KCNMA1: variants seen among roughly 807,000 people sequenced by gnomAD.
KCNMA1 encodes the protein Calcium-activated potassium channel subunit alpha-1.
KCNMA1 carries 29 observed loss-of-function variants against 140.0 expected under a neutral mutation model. The ratio of observed to expected loss-of-function variants is 0.21; its 90% CI spans 0.15 to 0.28. KCNMA1 has a LOEUF of 0.28. Ranked by LOEUF, KCNMA1 falls within the 10% of genes least tolerant of loss-of-function variation. KCNMA1 has a pLI of 1.00. For synonymous variants in KCNMA1, 612 were observed against 611.9 expected (o/e 1.00, Z 0.00); for missense variants, 880 against 1,602.2 (o/e 0.55, Z 7.70).
At chr10:77,148,728 A>C (rs144157850) in intron 5 of KCNMA1, among the ~76,000 whole-genome samples, 1 of 152,336 alleles carries the variant, frequency 6.6e-6, no homozygotes, top group Non-Finnish European at 1.5e-5. Context: ...CATTGGAGTG[A>C]GAAAACTAGC....
chr10:77,054,866 G>A (rs1173462483), intron 14 of KCNMA1, among the ~76,000 whole-genome samples: 1 of 152,118 alleles, frequency 6.6e-6, no homozygotes, highest in African/African-American at 2.4e-5. Context: ...AGTTGAAACG[G>A]CCACCTCACA....
intron 2 of KCNMA1, among the ~76,000 whole-genome samples, chr10:77,326,367 C>T (rs1470832481): frequency 6.6e-6 from 1 of 152,202 alleles, no homozygotes; most frequent in African/African-American, 2.4e-5. Context: ...GTAATAGTTA[C>T]TTTACACCTC....
intron 1 of KCNMA1, among the ~76,000 whole-genome samples, chr10:77,529,583 G>T (rs753249117): frequency 1.3e-5 from 2 of 152,070 alleles, no homozygotes; most frequent in African/African-American, 4.8e-5. Flanking sequence ...CGAGCACAGA[G>T]AAATTATATA....
At chr10:77,158,346 CCTT>C (rs2098513301) in intron 5 of KCNMA1, among the ~76,000 whole-genome samples, 3 of 152,258 alleles carry the variant, frequency 2.0e-5, no homozygotes, top group Admixed American at 2.0e-4. Context: ...GAGCTCATCT[CCTT>C]ATTATAGGTG....
intron 19 of KCNMA1, chr10:76,974,705 C>T (rs1048244029): frequency 6.2e-6 from 4 of 644,172 alleles, no homozygotes; most frequent in Non-Finnish European, 1.1e-5. Context: ...AGCTGAATTG[C>T]CATTTTTTTC....
At chr10:77,570,481 T>C (rs11002206) in intron 1 of KCNMA1, among the ~76,000 whole-genome samples, 157 of 139,434 alleles carry the variant, frequency 1.1e-3, no homozygotes, top group East Asian at 4.6e-3. Context: ...GTAAACTATC[T>C]CAAGAACAAA....
chr10:77,387,305 T>C (rs1489441243), intron 2 of KCNMA1, among the ~76,000 whole-genome samples: 3 of 152,236 alleles, frequency 2.0e-5, no homozygotes, highest in Non-Finnish European at 1.5e-5. Context: ...TTGCTGTTTC[T>C]CTGAGGTCTA....
At chr10:77,172,510 C>A (rs1001563404) in intron 5 of KCNMA1, among the ~76,000 whole-genome samples, 3 of 151,976 alleles carry the variant, frequency 2.0e-5, no homozygotes, top group Admixed American at 6.6e-5. Flanking sequence ...TAGCAGCGAC[C>A]GGAACAGCAA....
chr10:77,149,694 A>C (rs1366854400), intron 5 of KCNMA1: 3 of 152,110 alleles, frequency 2.0e-5, no homozygotes, highest in Admixed American at 6.6e-5. Flanking sequence ...CTGCATCCTA[A>C]CCCCAATTTG....
chr10:77,155,855 G>A (rs1301873525), intron 5 of KCNMA1, among the ~76,000 whole-genome samples: 1 of 152,082 alleles, frequency 6.6e-6, no homozygotes, highest in Non-Finnish European at 1.5e-5. Context: ...AAGAAGTGAG[G>A]GGAAAGGATG....
intron 25 of KCNMA1, among the ~76,000 whole-genome samples, chr10:76,899,499 T>C (rs541724100): frequency 6.6e-6 from 1 of 152,264 alleles, no homozygotes; most frequent in African/African-American, 2.4e-5. Flanking sequence ...CATCCATTAC[T>C]TTTTTAAAAT....
intron 2 of KCNMA1, chr10:77,313,844 C>A (rs1201815351): frequency 6.6e-6 from 1 of 152,128 alleles, no homozygotes; most frequent in Non-Finnish European, 1.5e-5. Context: ...GAATTTTGTA[C>A]CCTAATACTG....
chr10:77,408,514 A>G (rs560549874), intron 1 of KCNMA1, among the ~76,000 whole-genome samples: 8 of 151,352 alleles, frequency 5.3e-5, no homozygotes, highest in South Asian at 4.2e-4. Flanking sequence ...GAATGTGTGC[A>G]TGTGTGTGTG....
At chr10:77,302,542 C>T (rs1350230324) in intron 2 of KCNMA1, among the ~76,000 whole-genome samples, 1 of 152,144 alleles carries the variant, frequency 6.6e-6, no homozygotes, top group African/African-American at 2.4e-5. Context: ...TCTCCAGGGT[C>T]CCAATTTCTT....
In KCNMA1 at chr10:77,441,317, C is replaced by T. The variant is rs17502509; in HGVS notation, c.379-37294G>A. Among the ~76,000 whole-genome samples the T allele has an allele frequency of 6.4e-3, 977 of 152,224 alleles. 11 individuals are homozygous for T. The highest frequency in any genetic ancestry group is 0.054 in the Middle Eastern group (16 of 294). On this transcript the variant is annotated intron_variant, in intron 1 of 27. Coordinates refer to ENST00000286628, the MANE Select transcript of KCNMA1 (RefSeq NM_001161352.2). ...GACCCAAATGTCTGCTGATGACACA[C>T]TGGATACACTAGGGGTGCAGGGAGA...
intron 14 of KCNMA1, among the ~76,000 whole-genome samples, chr10:77,067,496 ATG>A (rs2096002210): frequency 6.6e-6 from 1 of 152,078 alleles, no homozygotes; most frequent in African/African-American, 2.4e-5. Flanking sequence ...TCTCTCACGC[ATG>A]TGTGTGCACA....
intron 3 of KCNMA1, among the ~76,000 whole-genome samples, chr10:77,249,095 T>C (rs1186985939): frequency 2.0e-5 from 3 of 152,228 alleles, no homozygotes. Context: ...ACGACAGTCC[T>C]CAGGCAGAAT....
intron 1 of KCNMA1, among the ~76,000 whole-genome samples, chr10:77,421,913 T>C (rs889036067): frequency 4.6e-5 from 7 of 152,230 alleles, no homozygotes; most frequent in African/African-American, 1.7e-4. Context: ...TTTCCCAGTG[T>C]AAATTCACGG....
chr10:77,164,011 G>T (rs2098603657), intron 5 of KCNMA1, among the ~76,000 whole-genome samples: 1 of 152,132 alleles, frequency 6.6e-6, no homozygotes, highest in African/African-American at 2.4e-5. Flanking sequence ...GCATCCCCAG[G>T]CCCCAGTTTT....
Sources: gnomAD v4.1 joint callset for allele counts (sites outside exome capture counted in the v4.1 genomes callset) on GRCh38, gnomAD v4.1.1 for gene constraint, MANE v1.5 for transcripts, NCBI Gene and HGNC (gene_info 2026-07-23, HGNC 2026-07-21) for gene names.